Variants in AADACL2 observed in about 807,000 individuals in gnomAD.
AADACL2 encodes the protein arylacetamide deacetylase like 2, also known as arylacetamide deacetylase-like 2.
In AADACL2, 23 loss-of-function variants were observed where a neutral mutation model predicts 22.3. That is an observed-to-expected ratio of 1.03 (90% CI 0.74 to 1.46). The LOEUF is 1.46. AADACL2 is among the 40% of genes most tolerant of loss of function. The pLI, the probability that AADACL2 is intolerant of heterozygous loss-of-function variation, is 0.00. For missense variants in AADACL2, 472 were observed against 482.9 expected (o/e 0.98, Z 0.21); for synonymous variants, 177 against 166.2 (o/e 1.07, Z -0.50).
chr3:151,754,780 A>G (rs1441312500), intron 4 of AADACL2, among the ~76,000 whole-genome samples: 1 of 152,058 alleles, frequency 6.6e-6, no homozygotes, highest in African/African-American at 2.4e-5. Context: ...TCAAATTTTG[A>G]CCTTTTACTT....
At chr3:151,755,210 T>C (rs528670766) in intron 4 of AADACL2, 18 of 150,320 alleles carry the variant, frequency 1.2e-4, no homozygotes, top group African/African-American at 4.1e-4. Flanking sequence ...CATTTTTCTA[T>C]TTTCCCATAT....
intron 1 of AADACL2, among the ~76,000 whole-genome samples, chr3:151,737,716 T>A (rs114372592): frequency 9.3e-4 from 142 of 152,356 alleles, no homozygotes; most frequent in Non-Finnish European, 1.6e-3. Context: ...CATTGTGTAA[T>A]GTCCTTCTTT....
rs1713082365 is a variant in AADACL2 at position 151,736,258 on chromosome 3, T to G, written c.138+2085T>G. Among the ~76,000 whole-genome samples, 4 of 151,866 alleles carry G rather than the reference T, an allele frequency of 2.6e-5. No homozygotes were observed. The South Asian group carries it at 8.3e-4, about 32-fold the overall frequency. On this transcript the variant is annotated intron_variant, in intron 1 of 4. Coordinates refer to ENST00000356517, the MANE Select transcript of AADACL2 (RefSeq NM_207365.4). ...GAATAGGACAGCTCTCAGTCTAAAA[T>G]ACTAAATATTTGAGATTTTCCTTTT...
chr3:151,734,140 C>G lies in AADACL2; in HGVS notation c.105C>G (p.Ala35=), dbSNP rs745993979. Residue 35 remains alanine (A), a synonymous_variant, in exon 1 of 5, where the codon GCC becomes GCG. Coordinates refer to ENST00000356517, the MANE Select transcript of AADACL2 (RefSeq NM_207365.4). ...DNIEESWKIM[A]LDAIAKTCTF... ...TTGAAGAAAGCTGGAAAATAATGGCCTTGGATGCCATCGCTAAAACTTGTA... is the reference window on the plus strand; with the variant it reads ...TTGAAGAAAGCTGGAAAATAATGGCGTTGGATGCCATCGCTAAAACTTGTA... The G allele has an allele frequency of 2.5e-6, 4 of 1,613,298 alleles. No individual in the cohort carries two copies. The Admixed American group carries it at 6.7e-5, about 27-fold the overall frequency.
rs1714115007 is a variant in AADACL2, at chr3:151,760,740, G to A, written c.*3146G>A. 1 of 152,126 alleles carries A rather than the reference G, an allele frequency of 6.6e-6. No individual in the cohort carries two copies. Among genetic ancestry groups the A allele is most frequent in the African/African-American group, 2.4e-5 (1 of 41,420 alleles). 9.4% of individuals were successfully genotyped at this position (152,126 alleles called of 1,614,324 possible). A position where few individuals can be genotyped will look rare whatever the true frequency, so the allele number is the denominator to read the frequency against. On this transcript the variant is annotated 3_prime_UTR_variant, in exon 5 of 5. Coordinates refer to ENST00000356517, the MANE Select transcript of AADACL2 (RefSeq NM_207365.4). The stretch of plus-strand genomic sequence containing the variant: ...TATAACAAAGTATCACAAACTGAGT[G>A]CCTTAAATAAACAAAAGGAATTTAT...
intron 1 of AADACL2, among the ~76,000 whole-genome samples, chr3:151,736,117 C>A (rs1713077335): frequency 1.3e-5 from 2 of 150,728 alleles, no homozygotes; most frequent in Admixed American, 6.6e-5. Context: ...ATAAAATGAA[C>A]AATGAAAAAA....
intron 4 of AADACL2, among the ~76,000 whole-genome samples, chr3:151,750,618 T>C (rs1713632463): frequency 6.6e-6 from 1 of 152,166 alleles, no homozygotes; most frequent in South Asian, 2.1e-4. Flanking sequence ...CTCTGTACTT[T>C]TTAAAATATG....
chr3:151,747,311 C>T (rs978095111), intron 4 of AADACL2, among the ~76,000 whole-genome samples: 15 of 151,926 alleles, frequency 9.9e-5, no homozygotes, highest in Admixed American at 3.9e-4. Flanking sequence ...CTATAGTCAC[C>T]GCACTTAATA....
chr3:151,755,954 C>T (rs2107991601), intron 4 of AADACL2, among the ~76,000 whole-genome samples: 1 of 152,194 alleles, frequency 6.6e-6, no homozygotes, highest in South Asian at 2.1e-4. Flanking sequence ...CATTTTCATT[C>T]TACACTTATT....
intron 4 of AADACL2, among the ~76,000 whole-genome samples, chr3:151,749,669 G>C: frequency 6.6e-6 from 1 of 151,972 alleles, no homozygotes; most frequent in East Asian, 1.9e-4. Flanking sequence ...TTTTAGTAGA[G>C]ACAAGGTTTC....
At chr3:151,736,584 C>G (rs758162202) in intron 1 of AADACL2, among the ~76,000 whole-genome samples, 1 of 152,118 alleles carries the variant, frequency 6.6e-6, no homozygotes, top group Non-Finnish European at 1.5e-5. Flanking sequence ...GTTTGGTTTT[C>G]TGTTCCTGTG....
chr3:151,743,138 ATTAAC>A (rs1206493088), intron 2 of AADACL2, among the ~76,000 whole-genome samples: 1 of 152,154 alleles, frequency 6.6e-6, no homozygotes, highest in Non-Finnish European at 1.5e-5. Context: ...TTTCTTGAAA[ATTAAC>A]TTAATCTTTA....
At chr3:151,740,935 T>A in intron 2 of AADACL2, 67 bp downstream of exon 2, 1 of 1,317,690 alleles carries the variant, frequency 7.6e-7, no homozygotes. Flanking sequence ...CTATTTTATA[T>A]AAATATACAC....
chr3:151,745,472 A>G, intron 3 of AADACL2, 37 bp from the exon 4 acceptor site: 16 of 1,588,826 alleles, frequency 1.0e-5, no homozygotes, highest in Non-Finnish European at 1.4e-5. Flanking sequence ...AGATGGACAG[A>G]TACAACCATA....
rs1039077400 is a variant in AADACL2, at chr3:151,758,260, G to C, written c.*666G>C. ...ATTCTTAGATCAGTTTAATCTTGAAGGCCAGCATCTTCCAATCTCTTTCTG... is the reference window on the plus strand; with the variant it reads ...ATTCTTAGATCAGTTTAATCTTGAACGCCAGCATCTTCCAATCTCTTTCTG... On this transcript the variant is annotated 3_prime_UTR_variant, in exon 5 of 5. Coordinates refer to ENST00000356517, the MANE Select transcript of AADACL2 (RefSeq NM_207365.4). The C allele has an allele frequency of 3.9e-5, 6 of 152,214 alleles. No individual in the cohort carries two copies. Among genetic ancestry groups the C allele is most frequent in the Admixed American group, 2.6e-4 (4 of 15,250 alleles). 9.4% of individuals were successfully genotyped at this position (152,214 alleles called of 1,614,324 possible). A position where few individuals can be genotyped will look rare whatever the true frequency, so the allele number is the denominator to read the frequency against.
chr3:151,752,437 C>G (rs9872707), intron 4 of AADACL2, among the ~76,000 whole-genome samples: 32,863 of 152,020 alleles, frequency 0.22, 3,991 homozygotes, highest in African/African-American at 0.33. Context: ...ATATATTTAA[C>G]CTATTATTGC....
chr3:151,757,219 G>A lies in AADACL2; in HGVS notation c.831G>A (p.Leu277=), dbSNP rs1713955648. Residue 277 remains leucine, a synonymous_variant, in exon 5 of 5, where the codon CTG becomes CTA. Coordinates refer to ENST00000356517, the MANE Select transcript of AADACL2 (RefSeq NM_207365.4). ...ACATGCCTCTGGAGTCAAGACATCT[G>A]TTTAAGTTTGTTAACTGGAGTATTC... ...NQHMPLESRH[L]FKFVNWSILL... The A allele has an allele frequency of 6.2e-7, 1 of 1,613,538 alleles. No homozygotes were observed. The highest frequency in any genetic ancestry group is 1.7e-5 in the Admixed American group (1 of 59,938).
At chr3:151,754,549 T>C (rs1713813101) in intron 4 of AADACL2, among the ~76,000 whole-genome samples, 1 of 152,136 alleles carries the variant, frequency 6.6e-6, no homozygotes, top group African/African-American at 2.4e-5. Context: ...AAAGTTCAAA[T>C]GCATACTATC....
At chr3:151,748,128 T>A (rs1381979763) in intron 4 of AADACL2, among the ~76,000 whole-genome samples, 1 of 152,170 alleles carries the variant, frequency 6.6e-6, no homozygotes, top group African/African-American at 2.4e-5. Context: ...GGCAATCCCA[T>A]ATATCTATTT....
Sources: gnomAD v4.1 joint callset for allele counts (sites outside exome capture counted in the v4.1 genomes callset) on GRCh38, gnomAD v4.1.1 for gene constraint, MANE v1.5 for transcripts, NCBI Gene and HGNC (gene_info 2026-07-23, HGNC 2026-07-21) for gene names.